Variants in GABRP observed in about 807,000 individuals in gnomAD.
GABRP encodes gamma-aminobutyric acid type A receptor subunit pi.
Under a neutral mutation model 47.8 loss-of-function variants are expected in GABRP, and 52 were observed. The observed-to-expected ratio is 1.09, with a 90% CI of 0.87 to 1.37. The LOEUF is 1.37. GABRP is among the 40% of genes most tolerant of loss of function. GABRP has a pLI of 0.00. For synonymous variants in GABRP, 221 were observed against 205.8 expected (o/e 1.07, Z -0.63); for missense variants, 525 against 542.8 (o/e 0.97, Z 0.33).
chr5:170,785,232 T>C (rs1480135495), intron 1 of GABRP, among the ~76,000 whole-genome samples: 1 of 152,216 alleles, frequency 6.6e-6, no homozygotes, highest in Non-Finnish European at 1.5e-5. Flanking sequence ...AAGATTCAAG[T>C]GGAATCCAGT....
At chr5:170,808,291 T>G (rs926266190) in intron 7 of GABRP, among the ~76,000 whole-genome samples, 2 of 152,180 alleles carry the variant, frequency 1.3e-5, no homozygotes, top group Non-Finnish European at 2.9e-5. Flanking sequence ...AACTGAAAGA[T>G]TCAGTGTTTG....
chr5:170,786,032 G>T (rs1765123126), intron 1 of GABRP, among the ~76,000 whole-genome samples: 2 of 152,172 alleles, frequency 1.3e-5, no homozygotes. Flanking sequence ...CCTGTCCTCT[G>T]CTCCTATTAG....
In GABRP at chr5:170,795,406, A is replaced by G. The variant is rs1765400334; in HGVS notation, c.439A>G (p.Thr147Ala). 6.2e-7 allele frequency: 1 copy of G among 1,614,092 alleles called. No individual in the cohort carries two copies. The highest frequency in any genetic ancestry group is 8.5e-7 in the Non-Finnish European group (1 of 1,179,992). ...NRLIRLFSNG[T>A]VLYALRITTT... is the part of the protein sequence containing the mutation. The stretch of plus-strand genomic sequence containing the variant: ...GCTCATCCGCCTCTTCTCCAATGGC[A>G]CGGTCCTGTATGCCCTCAGGTACGC... The change falls in exon 5 of 10, where the codon ACG becomes GCG. Residue 147 changes from threonine to alanine, a missense_variant. Transcript: ENST00000265294.
chr5:170,786,560 T>C (rs1157153780), intron 1 of GABRP, among the ~76,000 whole-genome samples: 1 of 152,212 alleles, frequency 6.6e-6, no homozygotes, highest in East Asian at 1.9e-4. Flanking sequence ...TCACTGATAC[T>C]GCAAAACAGC....
At chr5:170,799,895 T>A (rs577775175) in intron 6 of GABRP, among the ~76,000 whole-genome samples, 150 of 152,246 alleles carry the variant, frequency 9.9e-4, no homozygotes, top group African/African-American at 3.5e-3. Flanking sequence ...AGAATCAATA[T>A]CGTGAAAATG....
At chr5:170,796,008 T>C (rs1390807393) in intron 5 of GABRP, among the ~76,000 whole-genome samples, 2 of 152,154 alleles carry the variant, frequency 1.3e-5, no homozygotes, top group African/African-American at 4.8e-5. Context: ...CCCAAATTCC[T>C]GAAGCTCAAG....
At chr5:170,804,752 CAT>C (rs1765684816) in intron 6 of GABRP, among the ~76,000 whole-genome samples, 1 of 151,922 alleles carries the variant, frequency 6.6e-6, no homozygotes, top group Non-Finnish European at 1.5e-5. Context: ...CATCGTCACT[CAT>C]AGACTTTGGG....
At position 170,810,498 on chromosome 5, in the gene GABRP, G is replaced by T. The variant is rs767936021; in HGVS notation, c.1020+743G>T. On this transcript the variant is annotated intron_variant, in intron 9 of 9. Transcript: ENST00000265294. ...CTGGGATTCCAACCTAAACCTACTT[G>T]GTTCCAAAGCCTGACACTTATCCGC... 6.6e-5 allele frequency among the ~76,000 whole-genome samples: 10 copies of T among 152,132 alleles called. No individual in the cohort carries two copies. In the South Asian group the frequency reaches 1.0e-3, roughly 16 times the overall value.
intron 6 of GABRP, among the ~76,000 whole-genome samples, chr5:170,800,179 A>G (rs1463408037): frequency 6.6e-6 from 1 of 152,232 alleles, no homozygotes; most frequent in Non-Finnish European, 1.5e-5. Context: ...GCCCTCAGAA[A>G]TAATACCACA....
chr5:170,788,996 G>A (rs1353231856), intron 2 of GABRP, 133 bp from the exon 3 acceptor site: 3 of 720,880 alleles, frequency 4.2e-6, no homozygotes, highest in Non-Finnish European at 7.3e-6. Context: ...TTTTTCTGTA[G>A]GAATGTCACT....
chr5:170,809,727 C>T lies in GABRP; in HGVS notation c.992C>T (p.Ser331Phe), dbSNP rs1374031679. ...GAATATGCAGTTGCTCACTACAGTT[C>T]CTTACAGCAGATGGCAGCCAAAGAT... ...LLEYAVAHYS[S>F]LQQMAAKDRG... The change falls in exon 9 of 10, where the codon TCC becomes TTC. Residue 331 changes from serine to phenylalanine, a missense_variant. Ser to Phe is a radical substitution (Grantham distance 155, BLOSUM62 -2). Transcript: ENST00000265294. 6.2e-7 allele frequency: 1 copy of T among 1,603,946 alleles called. No individual in the cohort carries two copies. Among genetic ancestry groups the T allele is most frequent in the Non-Finnish European group, 8.5e-7 (1 of 1,175,072 alleles).
At chr5:170,786,524 G>A (rs1765135203) in intron 1 of GABRP, among the ~76,000 whole-genome samples, 1 of 152,174 alleles carries the variant, frequency 6.6e-6, no homozygotes, top group Admixed American at 6.5e-5. Context: ...GAATAAGGCG[G>A]ATTATAGGAA....
chr5:170,801,379 C>T (rs1765585294), intron 6 of GABRP, among the ~76,000 whole-genome samples: 1 of 152,106 alleles, frequency 6.6e-6, no homozygotes, highest in Non-Finnish European at 1.5e-5. Context: ...CTCCAGTGTC[C>T]ATTTATTATC....
intron 3 of GABRP, among the ~76,000 whole-genome samples, 176 bp downstream of exon 3, chr5:170,789,423 G>A (rs940953504): frequency 3.9e-5 from 6 of 152,130 alleles, no homozygotes; most frequent in African/African-American, 1.4e-4. Flanking sequence ...CTGGAAAAAG[G>A]CACCCAGCCT....
At chr5:170,810,660 G>GA (rs1372869982) in intron 9 of GABRP, among the ~76,000 whole-genome samples, 2 of 152,194 alleles carry the variant, frequency 1.3e-5, no homozygotes, top group Non-Finnish European at 2.9e-5. Flanking sequence ...GCAAGAAAAT[G>GA]ATAGGGATCC....
At chr5:170,789,678 A>G (rs903722292) in intron 3 of GABRP, among the ~76,000 whole-genome samples, 3 of 152,042 alleles carry the variant, frequency 2.0e-5, no homozygotes, top group African/African-American at 7.2e-5. Flanking sequence ...TATGTGTCCC[A>G]GCATGCTCGC....
At chr5:170,809,325 T>A (rs529961527) in intron 8 of GABRP, among the ~76,000 whole-genome samples, 1 of 152,232 alleles carries the variant, frequency 6.6e-6, no homozygotes, top group East Asian at 1.9e-4. Flanking sequence ...CTTTTGCATA[T>A]TTATCACCCC....
At chr5:170,810,902 G>A (rs1245102915) in intron 9 of GABRP, among the ~76,000 whole-genome samples, 2 of 151,870 alleles carry the variant, frequency 1.3e-5, no homozygotes, top group African/African-American at 4.8e-5. Context: ...GCTTCCTTAT[G>A]AGGGAGGAAG....
At chr5:170,784,117 C>T (rs577672813) in intron 1 of GABRP, among the ~76,000 whole-genome samples, 5 of 152,320 alleles carry the variant, frequency 3.3e-5, no homozygotes, top group South Asian at 2.1e-4. Context: ...ACACAGGGCA[C>T]GCGCCGCACC....
Sources: allele counts gnomAD v4.1 joint callset (sites outside exome capture counted in the v4.1 genomes callset), GRCh38; gene constraint gnomAD v4.1.1; transcripts MANE v1.5; gene names NCBI Gene and HGNC (gene_info 2026-07-23, HGNC 2026-07-21).